KLF13: variants seen among roughly 807,000 people sequenced by gnomAD.
KLF13 encodes the protein KLF transcription factor 13.
Under a neutral mutation model 16.7 loss-of-function variants are expected in KLF13, and 8 were observed. The ratio of observed to expected loss-of-function variants is 0.48; its 90% CI spans 0.28 to 0.87. The LOEUF is 0.87. Among genes scored for constraint, KLF13 ranks in the 40% least tolerant of loss-of-function variants. The pLI, the probability that KLF13 is intolerant of heterozygous loss-of-function variation, is 0.10. For synonymous variants in KLF13, 245 were observed against 208.4 expected (o/e 1.18, Z -1.51); for missense variants, 447 against 452.2 (o/e 0.99, Z 0.10).
At chr15:31,332,973 C>T (rs756660799) in intron 1 of KLF13, among the ~76,000 whole-genome samples, 4 of 152,160 alleles carry the variant, frequency 2.6e-5, no homozygotes, top group Non-Finnish European at 5.9e-5. Flanking sequence ...AACACTCTAG[C>T]AGGGATCTTG....
At chr15:31,349,920 A>G (rs2039189803) in intron 1 of KLF13, among the ~76,000 whole-genome samples, 1 of 152,234 alleles carries the variant, frequency 6.6e-6, no homozygotes, top group South Asian at 2.1e-4. Flanking sequence ...AATGGTATAA[A>G]GTAACCAGCC....
At position 31,327,793 on chromosome 15, in the gene KLF13, A is replaced by G. The variant is rs763691302; in HGVS notation, c.577+4A>G. 1 of 1,480,506 alleles carries G rather than the reference A, an allele frequency of 6.8e-7. No individual in the cohort carries two copies. Among genetic ancestry groups the G allele is most frequent in the Non-Finnish European group, 9.0e-7 (1 of 1,105,746 alleles). 91.7% of individuals were successfully genotyped at this position (1,480,506 alleles called of 1,614,324 possible). A position where few individuals can be genotyped will look rare whatever the true frequency, so the allele number is the denominator to read the frequency against. ...GCGCACCTGAGAACTCACACAGGTCAGTGGGGCGGCGCGGGCGCCCGGATC... is the reference window on the plus strand; with the variant it reads ...GCGCACCTGAGAACTCACACAGGTCGGTGGGGCGGCGCGGGCGCCCGGATC... On this transcript the variant is annotated splice_donor_region_variant and intron_variant, in intron 1 of 1. Coordinates refer to ENST00000307145, the MANE Select transcript of KLF13 (RefSeq NM_015995.4).
chr15:31,327,394 T>C lies in KLF13; in HGVS notation c.182T>C (p.Leu61Pro). The change falls in exon 1 of 2, where the codon CTC (leucine) becomes CCC (proline). Residue 61 changes from leucine (L) to proline (P), a missense_variant. Physicochemically the swap from Leu to Pro is moderately conservative, Grantham distance 98. This residue lies in a region of KLF13 where 359 missense variants were observed against 282.8 expected (regional missense o/e 1.27). Transcript: ENST00000307145. The part of the protein sequence containing the change: ...ERRDGKDSAS[L>P]FVVARILADL... Reference sequence around the variant, plus strand: ...CGCGACGGTAAGGACAGCGCCTCGCTCTTCGTGGTGGCGCGGATCCTAGCG... The same window carrying C: ...CGCGACGGTAAGGACAGCGCCTCGCCCTTCGTGGTGGCGCGGATCCTAGCG... The C allele has an allele frequency of 7.8e-7, 1 of 1,287,738 alleles. No homozygotes were observed. The highest frequency in any genetic ancestry group is 3.9e-5 in the Admixed American group (1 of 25,458). 79.8% of individuals were successfully genotyped at this position (1,287,738 alleles called of 1,614,324 possible).
upstream of KLF13, among the ~76,000 whole-genome samples, chr15:31,390,458 A>G (rs931612416): frequency 4.6e-5 from 7 of 152,242 alleles, no homozygotes; most frequent in Non-Finnish European, 1.5e-5. Context: ...TCATCTTCTT[A>G]CAACCATTGC....
intron 1 of KLF13, among the ~76,000 whole-genome samples, chr15:31,418,829 G>T (rs1006888700): frequency 1.3e-5 from 2 of 152,138 alleles, no homozygotes; most frequent in Non-Finnish European, 2.9e-5. Flanking sequence ...AAATATTTAG[G>T]TTTGGTGTGG....
chr15:31,416,270 A>T, intron 1 of KLF13, among the ~76,000 whole-genome samples: 1 of 152,176 alleles, frequency 6.6e-6, no homozygotes, highest in East Asian at 1.9e-4. Context: ...CACATTAAAA[A>T]AGGGGTGGGA....
intron 1 of KLF13, among the ~76,000 whole-genome samples, chr15:31,343,110 C>T (rs750739238): frequency 5.9e-5 from 9 of 152,348 alleles, no homozygotes; most frequent in South Asian, 4.1e-4. Flanking sequence ...ATACTGTCTC[C>T]GTGCTCTGCT....
At position 31,342,574 on chromosome 15, in the gene KLF13, C is replaced by G. The variant is rs546362290; in HGVS notation, c.577+14785C>G. The stretch of plus-strand genomic sequence containing the variant: ...CTCAGCCATCAGCAGCCCGGAGAAT[C>G]CCACTCAGGACTTAGGTTTGCTATT... On this transcript the variant is annotated intron_variant, in intron 1 of 1. Coordinates refer to ENST00000307145, the MANE Select transcript of KLF13 (RefSeq NM_015995.4). Among the ~76,000 whole-genome samples, 6 of 152,338 alleles carry G rather than the reference C, an allele frequency of 3.9e-5. No individual in the cohort carries two copies. In the South Asian group the frequency reaches 1.2e-3, roughly 32 times the overall value.
intron 1 of KLF13, among the ~76,000 whole-genome samples, chr15:31,385,824 G>A (rs1031324235): frequency 1.3e-5 from 2 of 152,154 alleles, no homozygotes; most frequent in African/African-American, 4.8e-5. Flanking sequence ...AGAGTCACAG[G>A]TCTCTCACTT....
chr15:31,394,841 A>G (rs1349770679), intron 2 of KLF13, among the ~76,000 whole-genome samples: 2 of 152,188 alleles, frequency 1.3e-5, no homozygotes, highest in African/African-American at 2.4e-5. Flanking sequence ...GGAGCCACTC[A>G]TCTACTTGCC....
intron 2 of KLF13, among the ~76,000 whole-genome samples, chr15:31,400,869 A>G (rs1196457463): frequency 6.6e-6 from 1 of 151,940 alleles, no homozygotes; most frequent in African/African-American, 2.4e-5. Context: ...GACATGTGGG[A>G]GAGAGGGGCA....
intron 1 of KLF13, among the ~76,000 whole-genome samples, chr15:31,371,489 A>G (rs1019875519): frequency 6.6e-6 from 1 of 152,244 alleles, no homozygotes; most frequent in Non-Finnish European, 1.5e-5. Context: ...GAACTCACCT[A>G]CGCTGACCCT....
Position 31,374,381 on chromosome 15 carries a change from T to C in KLF13, c.*2082T>C, listed in dbSNP as rs940553089. 6.6e-6 allele frequency: 1 copy of C among 152,254 alleles called. No individual in the cohort carries two copies. The highest frequency in any genetic ancestry group is 2.4e-5 in the African/African-American group (1 of 41,322). 9.4% of individuals were successfully genotyped at this position (152,254 alleles called of 1,614,324 possible). On this transcript the variant is annotated 3_prime_UTR_variant, in exon 2 of 2. Coordinates refer to ENST00000307145, the MANE Select transcript of KLF13 (RefSeq NM_015995.4). The stretch of plus-strand genomic sequence containing the variant: ...GCTGGTCCCTCTGGCTGCCATGCTG[T>C]GTTGGGGCTCTCTGACCTCCCTGCT...
chr15:31,372,797 C>G lies in KLF13; in HGVS notation c.*498C>G, dbSNP rs1363551036. The G allele has an allele frequency of 6.5e-6, 1 of 153,372 alleles. No individual in the cohort carries two copies. Among genetic ancestry groups the G allele is most frequent in the East Asian group, 1.9e-4 (1 of 5,212 alleles). The allele number at this position is 153,372 out of a possible 1,614,324, so 9.5% of individuals were successfully genotyped here. On this transcript the variant is annotated 3_prime_UTR_variant, in exon 2 of 2. Coordinates refer to ENST00000307145, the MANE Select transcript of KLF13 (RefSeq NM_015995.4). ...AAGCAGCTGGCCTGACCTCTTCCTG[C>G]CCAGCCCCCAACCCAGTCTCTGGCC...
At chr15:31,355,700 CG>C (rs375091007) in intron 1 of KLF13, among the ~76,000 whole-genome samples, 4 of 152,126 alleles carry the variant, frequency 2.6e-5, no homozygotes, top group Admixed American at 6.5e-5. Flanking sequence ...AGCCAGCATG[CG>C]GTATTTTGGG....
intron 1 of KLF13, among the ~76,000 whole-genome samples, chr15:31,370,003 T>C (rs2039532065): frequency 6.6e-6 from 1 of 151,894 alleles, no homozygotes; most frequent in South Asian, 2.1e-4. Flanking sequence ...CTGGTCCACC[T>C]CTGTGCAGCC....
chr15:31,386,789 A>G (rs2039800785), intron 1 of KLF13, among the ~76,000 whole-genome samples: 2 of 152,260 alleles, frequency 1.3e-5, no homozygotes. Context: ...TTTAAGTTAA[A>G]GCCAGTGCTA....
At chr15:31,331,639 A>G (rs1036924255) in intron 1 of KLF13, among the ~76,000 whole-genome samples, 1 of 152,172 alleles carries the variant, frequency 6.6e-6, no homozygotes, top group Non-Finnish European at 1.5e-5. Flanking sequence ...GTTCAGAGAC[A>G]CACACAGGCC....
exon 3 of KLF13, chr15:31,403,616 T>G (rs2040072178): frequency 6.6e-6 from 1 of 152,190 alleles, no homozygotes; most frequent in Admixed American, 6.5e-5. Context: ...TGGGTCATCG[T>G]GGGAATGGAA....
Sources: allele counts gnomAD v4.1 joint callset (sites outside exome capture counted in the v4.1 genomes callset), GRCh38; gene constraint gnomAD v4.1.1; regional missense constraint gnomAD v4.1.1; transcripts MANE v1.5; gene names NCBI Gene and HGNC (gene_info 2026-07-23, HGNC 2026-07-21).